C1orf21: variants seen among roughly 807,000 people sequenced by gnomAD.
The protein encoded by C1orf21 is chromosome 1 open reading frame 21.
Under a neutral mutation model 18.7 loss-of-function variants are expected in C1orf21, and 3 were observed. The observed-to-expected ratio is 0.16, with a 90% CI of 0.07 to 0.42. The LOEUF (loss-of-function observed/expected upper bound fraction) is 0.42. C1orf21 is among the 10% of genes least tolerant of loss of function. The probability of loss-of-function intolerance (pLI) is 0.99; values close to 1 mark genes in which losing one functional copy is unlikely to be tolerated. For missense variants in C1orf21, 104 were observed against 143.6 expected (o/e 0.72, Z 1.41); for synonymous variants, 41 against 46.4 (o/e 0.88, Z 0.47).
intron 2 of C1orf21, among the ~76,000 whole-genome samples, chr1:184,484,435 C>T (rs1379596205): frequency 1.3e-5 from 2 of 152,226 alleles, no homozygotes; most frequent in Non-Finnish European, 2.9e-5. Context: ...GAAGGTATCT[C>T]TTTCCTGCCA....
chr1:184,535,140 C>G (rs1658532004), intron 3 of C1orf21, among the ~76,000 whole-genome samples: 1 of 152,200 alleles, frequency 6.6e-6, no homozygotes, highest in African/African-American at 2.4e-5. Flanking sequence ...TACAGTGAGA[C>G]AGGGAACTAC....
At chr1:184,600,060 C>T (rs1009960101) in intron 5 of C1orf21, among the ~76,000 whole-genome samples, 2 of 152,126 alleles carry the variant, frequency 1.3e-5, no homozygotes, top group Admixed American at 6.5e-5. Context: ...AAAAGATTTG[C>T]GTAGTAGTTA....
intron 2 of C1orf21, among the ~76,000 whole-genome samples, chr1:184,496,472 T>C (rs758838159): frequency 9.2e-5 from 14 of 152,202 alleles, no homozygotes; most frequent in Non-Finnish European, 2.1e-4. Flanking sequence ...TCAGATCCAG[T>C]GGGAGCGGTG....
chr1:184,451,237 T>C (rs1657115372), intron 1 of C1orf21, among the ~76,000 whole-genome samples: 2 of 152,118 alleles, frequency 1.3e-5, no homozygotes, highest in Non-Finnish European at 2.9e-5. Context: ...ATAATTGCCA[T>C]GTCTGTTCTT....
At chr1:184,563,026 C>A (rs978840663) in intron 3 of C1orf21, among the ~76,000 whole-genome samples, 3 of 152,196 alleles carry the variant, frequency 2.0e-5, no homozygotes, top group African/African-American at 7.2e-5. Context: ...TGTGTATTTT[C>A]TGCATCATGA....
chr1:184,513,595 T>C (rs771713041), intron 3 of C1orf21, among the ~76,000 whole-genome samples: 2 of 152,258 alleles, frequency 1.3e-5, no homozygotes, highest in African/African-American at 4.8e-5. Context: ...CCTGGATGGC[T>C]GGTAGGCTAT....
intron 1 of C1orf21, among the ~76,000 whole-genome samples, chr1:184,446,058 T>G (rs1454396603): frequency 6.6e-6 from 1 of 152,206 alleles, no homozygotes; most frequent in South Asian, 2.1e-4. Flanking sequence ...ATTTTGACAA[T>G]TTTAATGATA....
chr1:184,457,053 T>C (rs895002561), intron 1 of C1orf21, among the ~76,000 whole-genome samples: 11 of 152,186 alleles, frequency 7.2e-5, no homozygotes, highest in African/African-American at 2.7e-4. Context: ...TTTGATACTA[T>C]CTCTTGCCCT....
At chr1:184,558,969 T>G (rs1658915723) in intron 3 of C1orf21, among the ~76,000 whole-genome samples, 1 of 152,210 alleles carries the variant, frequency 6.6e-6, no homozygotes, top group Non-Finnish European at 1.5e-5. Context: ...AGTCCAGAAT[T>G]TGCCAATACC....
intron 3 of C1orf21, among the ~76,000 whole-genome samples, chr1:184,539,534 T>G (rs2101976860): frequency 6.6e-6 from 1 of 152,356 alleles, no homozygotes; most frequent in Admixed American, 6.5e-5. Flanking sequence ...TTCCTCTTCT[T>G]CAGTTATTTA....
At chr1:184,534,492 T>G (rs1442484831) in intron 3 of C1orf21, among the ~76,000 whole-genome samples, 1 of 152,246 alleles carries the variant, frequency 6.6e-6, no homozygotes, top group African/African-American at 2.4e-5. Flanking sequence ...TTTGCTTCTT[T>G]CTATCTCAGC....
chr1:184,458,240 G>A (rs1048591221), intron 1 of C1orf21, among the ~76,000 whole-genome samples: 4 of 152,134 alleles, frequency 2.6e-5, no homozygotes, highest in African/African-American at 9.7e-5. Context: ...GTATTTAAGG[G>A]GCTGGATAAC....
At chr1:184,458,170 A>G (rs1317486573) in intron 1 of C1orf21, among the ~76,000 whole-genome samples, 1 of 152,042 alleles carries the variant, frequency 6.6e-6, no homozygotes, top group East Asian at 1.9e-4. Flanking sequence ...GTCCTGTGCT[A>G]AGTGTGGGGG....
intron 5 of C1orf21, among the ~76,000 whole-genome samples, chr1:184,603,822 G>T (rs1659616281): frequency 6.6e-6 from 1 of 152,134 alleles, no homozygotes; most frequent in East Asian, 1.9e-4. Context: ...ATAAATAAAA[G>T]ATATTTGTTT....
intron 2 of C1orf21, among the ~76,000 whole-genome samples, chr1:184,503,457 C>T (rs115335404): frequency 2.4e-3 from 372 of 152,074 alleles, no homozygotes; most frequent in Middle Eastern, 0.014. Context: ...ATTAGTCTTC[C>T]CCTCAAGACA....
intron 1 of C1orf21, among the ~76,000 whole-genome samples, chr1:184,463,129 A>C (rs1657334151): frequency 6.6e-6 from 1 of 151,102 alleles, no homozygotes. Context: ...TATAGTGTTC[A>C]TGTGCAGGCA....
chr1:184,595,353 C>G (rs148029456), intron 4 of C1orf21, among the ~76,000 whole-genome samples: 1 of 152,162 alleles, frequency 6.6e-6, no homozygotes, highest in East Asian at 1.9e-4. Context: ...TCATCTCCCC[C>G]ACTCACAATC....
intron 3 of C1orf21, among the ~76,000 whole-genome samples, chr1:184,574,958 T>A (rs1196593195): frequency 6.6e-6 from 1 of 152,120 alleles, no homozygotes; most frequent in Non-Finnish European, 1.5e-5. Flanking sequence ...CGAGGGCAAG[T>A]GTGAAGAAAG....
At chr1:184,423,868 T>TCCAC (rs1341547516) in intron 1 of C1orf21, among the ~76,000 whole-genome samples, 2 of 148,486 alleles carry the variant, frequency 1.3e-5, no homozygotes, top group African/African-American at 4.9e-5. Flanking sequence ...CGTCCATCCA[T>TCCAC]CCATCCATCC....
Sources: allele counts gnomAD v4.1 joint callset (sites outside exome capture counted in the v4.1 genomes callset), GRCh38; gene constraint gnomAD v4.1.1; transcripts MANE v1.5; gene names NCBI Gene and HGNC (gene_info 2026-07-23, HGNC 2026-07-21).